Variants in BCAT1 observed in about 807,000 individuals in gnomAD.
The protein encoded by BCAT1 is branched chain amino acid transaminase 1, also known as branched-chain-amino-acid aminotransferase, cytosolic.
Under a neutral mutation model 52.4 loss-of-function variants are expected in BCAT1, and 48 were observed. The ratio of observed to expected loss-of-function variants is 0.92; its 90% confidence interval spans 0.73 to 1.16. The LOEUF (loss-of-function observed/expected upper bound fraction) is 1.16. Ranked by LOEUF, BCAT1 falls within the 50% of genes most tolerant of loss-of-function variation. BCAT1 has a pLI of 0.00. For synonymous variants in BCAT1, 167 were observed against 161.3 expected (o/e 1.04, Z -0.27); for missense variants, 451 against 457.1 (o/e 0.99, Z 0.12).
intron 6 of BCAT1, among the ~76,000 whole-genome samples, chr12:24,843,075 T>C (rs1408748812): frequency 2.0e-5 from 3 of 152,146 alleles, no homozygotes; most frequent in Non-Finnish European, 4.4e-5. Flanking sequence ...AGTACTGCCG[T>C]AAGACAGTCA....
intron 1 of BCAT1, among the ~76,000 whole-genome samples, chr12:24,917,716 C>G (rs1787455874): frequency 1.3e-5 from 2 of 152,028 alleles, no homozygotes; most frequent in African/African-American, 4.8e-5. Flanking sequence ...TAATGTGGAA[C>G]TTTTTAATTT....
At chr12:24,893,024 G>A (rs1303457984) in intron 3 of BCAT1, among the ~76,000 whole-genome samples, 3 of 152,200 alleles carry the variant, frequency 2.0e-5, no homozygotes, top group African/African-American at 7.2e-5. Flanking sequence ...CATATGGACA[G>A]TGAATATCTT....
chr12:24,943,705 C>T (rs1276034043), intron 1 of BCAT1, among the ~76,000 whole-genome samples: 2 of 152,120 alleles, frequency 1.3e-5, no homozygotes, highest in Non-Finnish European at 2.9e-5. Flanking sequence ...TAGTTTGAGG[C>T]CGGGAGCGGT....
At chr12:24,839,673 C>T (rs1941114654) in intron 7 of BCAT1, among the ~76,000 whole-genome samples, 1 of 152,190 alleles carries the variant, frequency 6.6e-6, no homozygotes. Flanking sequence ...CCACCCCATC[C>T]ACCTTCCTGC....
At chr12:24,911,686 C>G (rs929834651) in intron 1 of BCAT1, among the ~76,000 whole-genome samples, 16 of 152,118 alleles carry the variant, frequency 1.1e-4, no homozygotes, top group African/African-American at 3.6e-4. Flanking sequence ...TGCTGAATCA[C>G]CTGACTCCCT....
intron 1 of BCAT1, among the ~76,000 whole-genome samples, chr12:24,932,892 A>G (rs990735660): frequency 1.3e-5 from 2 of 152,078 alleles, no homozygotes; most frequent in African/African-American, 2.4e-5. Context: ...GCTCACTGCA[A>G]CTTCTGCCTC....
intron 1 of BCAT1, among the ~76,000 whole-genome samples, chr12:24,913,046 GT>G (rs1246317210): frequency 2.0e-5 from 3 of 152,312 alleles, no homozygotes; most frequent in Admixed American, 6.5e-5. Context: ...TTAATGGACA[GT>G]TTTTGTTTTG....
chr12:24,942,670 C>T (rs1038925589), intron 1 of BCAT1, among the ~76,000 whole-genome samples: 1 of 152,052 alleles, frequency 6.6e-6, no homozygotes, highest in African/African-American at 2.4e-5. Context: ...ACAGGTACAA[C>T]AGGTAGGGGA....
rs1949168795 is a variant in BCAT1, at chr12:24,812,522, G to T, written c.*5486C>A. ...CAACCTTCAGATTATAACCTCAATAGTGTGACCTAATTCTAATATCTGATG... is the reference window on the plus strand; with the variant it reads ...CAACCTTCAGATTATAACCTCAATATTGTGACCTAATTCTAATATCTGATG... On this transcript the variant is annotated 3_prime_UTR_variant, in exon 11 of 11. Coordinates refer to ENST00000261192, the MANE Select transcript of BCAT1 (RefSeq NM_005504.7). 6.6e-6 allele frequency: 1 copy of T among 151,996 alleles called. No homozygotes were observed. The highest frequency in any genetic ancestry group is 2.4e-5 in the African/African-American group (1 of 41,418). 9.4% of individuals were successfully genotyped at this position (151,996 alleles called of 1,614,324 possible).
At chr12:24,820,695 T>C (rs1406184028) in intron 10 of BCAT1, among the ~76,000 whole-genome samples, 2 of 152,168 alleles carry the variant, frequency 1.3e-5, no homozygotes, top group Non-Finnish European at 2.9e-5. Context: ...TTTGAGCCCA[T>C]GTGGAAGACT....
At chr12:24,882,026 A>C (rs1437122482) in intron 3 of BCAT1, among the ~76,000 whole-genome samples, 1 of 152,214 alleles carries the variant, frequency 6.6e-6, no homozygotes, top group Non-Finnish European at 1.5e-5. Flanking sequence ...ATACAGAGAA[A>C]GACAAAAATC....
chr12:24,846,997 T>A (rs1456534775), intron 6 of BCAT1, among the ~76,000 whole-genome samples: 1 of 152,204 alleles, frequency 6.6e-6, no homozygotes, highest in Non-Finnish European at 1.5e-5. Flanking sequence ...GACATTTGAC[T>A]CCTAAACCCA....
intron 5 of BCAT1, among the ~76,000 whole-genome samples, chr12:24,855,295 G>A (rs550044040): frequency 4.8e-5 from 7 of 146,490 alleles, no homozygotes; most frequent in South Asian, 2.1e-4. Context: ...GCCCTGCTCC[G>A]CAGGAGCAGT....
intron 5 of BCAT1, among the ~76,000 whole-genome samples, chr12:24,869,438 T>C (rs1279509591): frequency 6.6e-6 from 1 of 152,166 alleles, no homozygotes; most frequent in Non-Finnish European, 1.5e-5. Flanking sequence ...CCTGTTTCCC[T>C]TTTTTCCCAA....
intron 10 of BCAT1, among the ~76,000 whole-genome samples, chr12:24,828,656 CAT>C (rs1338489652): frequency 6.6e-5 from 10 of 152,116 alleles, no homozygotes; most frequent in Non-Finnish European, 1.5e-4. Context: ...AGTGAAAAAA[CAT>C]GTAACAAAAT....
chr12:24,931,148 C>T (rs11608526), intron 1 of BCAT1, among the ~76,000 whole-genome samples: 46,249 of 151,900 alleles, frequency 0.3, 8,242 homozygotes, highest in Middle Eastern at 0.52. Context: ...AGGTGATCCA[C>T]TCCCCGCTCA....
At chr12:24,909,960 A>G (rs1013939929) in intron 1 of BCAT1, among the ~76,000 whole-genome samples, 1 of 152,192 alleles carries the variant, frequency 6.6e-6, no homozygotes, top group Non-Finnish European at 1.5e-5. Flanking sequence ...CATCCAGCCC[A>G]GTCAAGCCTT....
At chr12:24,827,990 G>A (rs1305552621) in intron 10 of BCAT1, among the ~76,000 whole-genome samples, 2 of 151,848 alleles carry the variant, frequency 1.3e-5, no homozygotes, top group South Asian at 2.1e-4. Context: ...GGCCTCAAGC[G>A]ATCCTCCTGT....
At chr12:24,935,718 A>G (rs549597130) in intron 1 of BCAT1, among the ~76,000 whole-genome samples, 82 of 152,254 alleles carry the variant, frequency 5.4e-4, no homozygotes, top group African/African-American at 1.9e-3. Context: ...ACCAGGCTAC[A>G]CCTTCAATAC....
Sources: gnomAD v4.1 joint callset for allele counts (sites outside exome capture counted in the v4.1 genomes callset) on GRCh38, gnomAD v4.1.1 for gene constraint, MANE v1.5 for transcripts, NCBI Gene and HGNC (gene_info 2026-07-23, HGNC 2026-07-21) for gene names.